FOXP1: variants seen among roughly 807,000 people sequenced by gnomAD.
FOXP1 encodes forkhead box protein P1.
FOXP1 carries 15 observed loss-of-function variants against 98.2 expected under a neutral mutation model. That is an observed-to-expected ratio of 0.15 (90% CI 0.10 to 0.24). The LOEUF is 0.24. Among genes scored for constraint, FOXP1 ranks in the 10% least tolerant of loss-of-function variants. The pLI, the probability that FOXP1 is intolerant of heterozygous loss-of-function variation, is 1.00. For missense variants in FOXP1, 633 were observed against 848.5 expected (o/e 0.75, Z 3.15); for synonymous variants, 371 against 314.5 (o/e 1.18, Z -1.90).
rs1451879740 is a variant in FOXP1, at chr3:70,958,586, C to T, written c.*661G>A. ...TTTAAGCCTCCAAGAGGCCATCGGC[C>T]CAAATGGAGGCCTGAGGTCAGAACT... On this transcript the variant is annotated 3_prime_UTR_variant, in exon 21 of 21. Transcript: ENST00000649528. The T allele has an allele frequency of 4.2e-6, 1 of 236,152 alleles. No individual in the cohort carries two copies. The highest frequency in any genetic ancestry group is 2.3e-5 in the African/African-American group (1 of 43,608). 14.6% of individuals were successfully genotyped at this position (236,152 alleles called of 1,614,324 possible).
chr3:71,261,085 A>G (rs895381353), intron 5 of FOXP1, among the ~76,000 whole-genome samples: 1 of 152,208 alleles, frequency 6.6e-6, no homozygotes, highest in East Asian at 1.9e-4. Context: ...AAGGTAAAAC[A>G]GAAAGAGCCC....
intron 4 of FOXP1, chr3:71,329,969 G>A (rs2076199436): frequency 6.6e-6 from 1 of 152,154 alleles, no homozygotes. Context: ...CTACTCAGAA[G>A]GCTGCAGGGT....
chr3:71,535,640 T>G (rs1447160421), intron 2 of FOXP1, among the ~76,000 whole-genome samples: 1 of 152,152 alleles, frequency 6.6e-6, no homozygotes, highest in African/African-American at 2.4e-5. Flanking sequence ...AGGTAGGATC[T>G]TTGAGCCTGG....
chr3:71,106,480 T>C (rs938150850), intron 7 of FOXP1, among the ~76,000 whole-genome samples: 1 of 151,702 alleles, frequency 6.6e-6, no homozygotes, highest in Non-Finnish European at 1.5e-5. Flanking sequence ...GGACTACAGG[T>C]GCGTGCCACC....
chr3:71,286,782 T>C (rs750310825), intron 5 of FOXP1, among the ~76,000 whole-genome samples: 1 of 152,196 alleles, frequency 6.6e-6, no homozygotes, highest in African/African-American at 2.4e-5. Flanking sequence ...CTCTACCTCA[T>C]GCTATCACAG....
At chr3:71,544,403 A>G (rs1308082171) in intron 2 of FOXP1, among the ~76,000 whole-genome samples, 1 of 151,718 alleles carries the variant, frequency 6.6e-6, no homozygotes, top group East Asian at 1.9e-4. Context: ...GAAAATTTGG[A>G]ACAAAAAAAA....
chr3:71,498,752 A>G (rs563662264), intron 2 of FOXP1, among the ~76,000 whole-genome samples: 1 of 152,104 alleles, frequency 6.6e-6, no homozygotes, highest in Admixed American at 6.5e-5. Context: ...AAGCACCAGG[A>G]TCTCCAGGGG....
chr3:71,502,334 C>A (rs1212601175), intron 2 of FOXP1, among the ~76,000 whole-genome samples: 1 of 152,200 alleles, frequency 6.6e-6, no homozygotes, highest in Non-Finnish European at 1.5e-5. Flanking sequence ...AGAGAGCTGG[C>A]TGCCATCTGG....
chr3:71,538,318 C>T (rs2044475233), intron 2 of FOXP1, among the ~76,000 whole-genome samples: 1 of 152,238 alleles, frequency 6.6e-6, no homozygotes, highest in South Asian at 2.1e-4. Flanking sequence ...TTAGCAGTCT[C>T]TCCCCATTCC....
At chr3:71,034,987 C>G (rs893314943) in intron 11 of FOXP1, among the ~76,000 whole-genome samples, 2 of 152,200 alleles carry the variant, frequency 1.3e-5, no homozygotes, top group Non-Finnish European at 2.9e-5. Flanking sequence ...AATCAAGTGT[C>G]TGGAGAAAAG....
At chr3:71,406,602 G>C (rs563668317) in intron 3 of FOXP1, among the ~76,000 whole-genome samples, 24 of 151,516 alleles carry the variant, frequency 1.6e-4, no homozygotes, top group African/African-American at 4.8e-4. Flanking sequence ...TGGGTTCGCC[G>C]AGATACTCCA....
chr3:71,505,663 G>GATTTA (rs1418959671), intron 2 of FOXP1, among the ~76,000 whole-genome samples: 5 of 152,164 alleles, frequency 3.3e-5, no homozygotes, highest in African/African-American at 1.2e-4. Context: ...CTGACCTCAT[G>GATTTA]ATTTGCCTGC....
At chr3:71,389,714 AG>A (rs1329703082) in intron 3 of FOXP1, among the ~76,000 whole-genome samples, 8 of 152,158 alleles carry the variant, frequency 5.3e-5, no homozygotes, top group Non-Finnish European at 8.8e-5. Flanking sequence ...CTCATAACAG[AG>A]GTTCTATTTT....
At chr3:71,534,261 G>C (rs191317305) in intron 2 of FOXP1, among the ~76,000 whole-genome samples, 2 of 152,308 alleles carry the variant, frequency 1.3e-5, no homozygotes, top group East Asian at 3.9e-4. Context: ...TACTCAGGAG[G>C]CCAAGGCAGG....
chr3:71,536,914 G>T (rs2044343869), intron 2 of FOXP1, among the ~76,000 whole-genome samples: 1 of 152,118 alleles, frequency 6.6e-6, no homozygotes, highest in Non-Finnish European at 1.5e-5. Flanking sequence ...TAGCAGCGAT[G>T]ACGGCCACGC....
At chr3:71,130,432 A>G in intron 6 of FOXP1, 1 of 1,515,234 alleles carries the variant, frequency 6.6e-7, no homozygotes, top group Non-Finnish European at 9.0e-7. Flanking sequence ...TGTCTGCACA[A>G]GAACGGATCC....
At chr3:71,072,473 C>T (rs2053366854) in intron 7 of FOXP1, among the ~76,000 whole-genome samples, 1 of 152,154 alleles carries the variant, frequency 6.6e-6, no homozygotes, top group South Asian at 2.1e-4. Flanking sequence ...TGGGAAACAA[C>T]CCAAAACGTT....
chr3:71,351,003 G>A (rs1233172376), intron 4 of FOXP1, among the ~76,000 whole-genome samples: 3 of 152,040 alleles, frequency 2.0e-5, no homozygotes, highest in African/African-American at 7.3e-5. Context: ...TCACCGAAAG[G>A]CATGTGGCAC....
intron 6 of FOXP1, among the ~76,000 whole-genome samples, chr3:71,177,304 G>A (rs1364076761): frequency 1.3e-5 from 2 of 152,150 alleles, no homozygotes; most frequent in East Asian, 1.9e-4. Context: ...CTACAAATAA[G>A]GGCTCCATCT....
Sources: allele counts gnomAD v4.1 joint callset (sites outside exome capture counted in the v4.1 genomes callset), GRCh38; gene constraint gnomAD v4.1.1; transcripts MANE v1.5; gene names NCBI Gene and HGNC (gene_info 2026-07-23, HGNC 2026-07-21).